The following GCN1 variants were observed in gnomAD, a reference collection of about 807,000 sequenced individuals.
GCN1 encodes stalled ribosome sensor GCN1.
In GCN1, 90 loss-of-function variants were observed where a neutral mutation model predicts 288.4. That is an observed-to-expected ratio of 0.31 (90% CI 0.26 to 0.37). The LOEUF is 0.37. GCN1 is among the 10% of genes least tolerant of loss of function. The pLI is 1.00. For synonymous variants in GCN1, 1,386 were observed against 1,420.2 expected (o/e 0.98, Z 0.54); for missense variants, 2,586 against 3,419.9 (o/e 0.76, Z 6.08).
intron 7 of GCN1, 154 bp from the exon 8 acceptor site, chr12:120,177,906 C>A: frequency 1.5e-6 from 1 of 650,598 alleles, no homozygotes; most frequent in African/African-American, 1.8e-5. Context: ...CACGCAACCC[C>A]ACTTAAAACC....
chr12:120,175,073 G>A, intron 12 of GCN1, 89 bp downstream of exon 12: 1 of 1,139,064 alleles, frequency 8.8e-7, no homozygotes, highest in Non-Finnish European at 1.3e-6. Flanking sequence ...GTTGCAGTGA[G>A]CTGAGATGGC....
chr12:120,137,738 A>G lies in GCN1; in HGVS notation c.6470T>C (p.Leu2157Pro). ...TGHRIIIEDL[L>P]EATRSPEVGM... is the part of the protein sequence containing the mutation. ...CACCTCAGGGCTGCGGGTGGCCTCC[A>G]GCAGATCCTCGATGATGATCCGGTG... The change falls in exon 49 of 58, where the codon CTG (leucine) becomes CCG (proline). Residue 2157 changes from leucine (L) to proline (P), a missense_variant. Leu to Pro is a moderately conservative substitution (Grantham distance 98). Coordinates refer to ENST00000300648, the MANE Select transcript of GCN1 (RefSeq NM_006836.2). The surrounding 1 kb of genome is among the most constrained non-coding windows in gnomAD (Gnocchi z 5.2). 2 of 1,614,138 alleles carry G rather than the reference A, an allele frequency of 1.2e-6. No homozygotes were observed. Among genetic ancestry groups the G allele is most frequent in the Non-Finnish European group, 1.7e-6 (2 of 1,179,972 alleles).
At chr12:120,165,251 G>A (rs57780521) in intron 16 of GCN1, among the ~76,000 whole-genome samples, 31,028 of 151,664 alleles carry the variant, frequency 0.2, 3,760 homozygotes, top group East Asian at 0.56. Context: ...TAGCCAGGAT[G>A]GTCTCGATCT....
chr12:120,146,160 G>C (rs1283817110), intron 38 of GCN1, among the ~76,000 whole-genome samples: 1 of 151,308 alleles, frequency 6.6e-6, no homozygotes, highest in Admixed American at 6.6e-5. Context: ...CCAGCTACTC[G>C]GGAGGCTGAG....
chr12:120,150,855 T>C (rs1481392452), intron 34 of GCN1, among the ~76,000 whole-genome samples: 1 of 151,396 alleles, frequency 6.6e-6, no homozygotes, highest in African/African-American at 2.4e-5. Flanking sequence ...GAGAATGGCA[T>C]GAACCCAGGA....
chr12:120,130,456 T>C (rs1353796802), intron 56 of GCN1, among the ~76,000 whole-genome samples, 190 bp downstream of exon 56: 1 of 152,166 alleles, frequency 6.6e-6, no homozygotes, highest in Non-Finnish European at 1.5e-5. Flanking sequence ...AAAGTTAGGC[T>C]TTATTGCAGT....
chr12:120,136,041 A>G (rs1876993059), intron 51 of GCN1, among the ~76,000 whole-genome samples: 1 of 152,050 alleles, frequency 6.6e-6, no homozygotes, highest in African/African-American at 2.4e-5. Context: ...ACAAAACAAA[A>G]AACAAAAAAA....
In GCN1 at chr12:120,158,689, G is replaced by A. The variant is rs1877830782; in HGVS notation, c.2750-74C>T. 1 of 1,271,426 alleles carries A rather than the reference G, an allele frequency of 7.9e-7. No individual in the cohort carries two copies. Among genetic ancestry groups the A allele is most frequent in the Admixed American group, 2.5e-5 (1 of 40,074 alleles). 78.8% of individuals were successfully genotyped at this position (1,271,426 alleles called of 1,614,324 possible). A position where few individuals can be genotyped will look rare whatever the true frequency, so the allele number is the denominator to read the frequency against. Reference sequence around the variant, plus strand: ...GAATCCAGCCCAGGCTAAAACAGGGGACCCAGTGCCTCATCCTTCTGACTT... The same window carrying A: ...GAATCCAGCCCAGGCTAAAACAGGGAACCCAGTGCCTCATCCTTCTGACTT... On this transcript the variant is annotated intron_variant, in intron 24 of 57. Transcript: ENST00000300648. The surrounding 1 kb of genome is among the most constrained non-coding windows in gnomAD (Gnocchi z 4.3).
intron 36 of GCN1, among the ~76,000 whole-genome samples, chr12:120,149,342 C>T (rs1410344720): frequency 1.3e-5 from 2 of 151,864 alleles, no homozygotes; most frequent in African/African-American, 4.8e-5. Flanking sequence ...GGCAACATAG[C>T]GAGACTCCAT....
At chr12:120,183,819 T>C in intron 4 of GCN1, 142 bp from the exon 5 acceptor site, 1 of 626,192 alleles carries the variant, frequency 1.6e-6, no homozygotes, top group South Asian at 1.9e-5. Context: ...CCACAAACCA[T>C]CTGTGGCAAT....
chr12:120,141,937 G>A (rs1877209987), intron 44 of GCN1, among the ~76,000 whole-genome samples: 1 of 152,164 alleles, frequency 6.6e-6, no homozygotes, highest in African/African-American at 2.4e-5. Context: ...TCCTCGACTA[G>A]ACTACCTCTC....
intron 33 of GCN1, among the ~76,000 whole-genome samples, chr12:120,151,799 T>C (rs1387591458): frequency 1.3e-5 from 2 of 152,132 alleles, no homozygotes; most frequent in Non-Finnish European, 2.9e-5. Context: ...ACAGAGAAAT[T>C]GGGCAGGGCC....
Position 120,134,535 on chromosome 12 carries a change from G to A in GCN1, c.7200C>T (p.Val2400=). The part of the protein sequence containing the change: ...NGIRAMEDPG[V]RDTMLQALRF... ...GTGCTCCCTTGCCAGCGCCGTACCT[G>A]ACACCTGGGTCCTCCATGGCGCGGA... The change falls in exon 52 of 58, where the codon GTC becomes GTT. Residue 2400 remains valine, a splice_region_variant and synonymous_variant. Transcript: ENST00000300648. This position sits in a 1 kb window ranked among gnomAD's most constrained non-coding sequence, Gnocchi z 5.0. 1 of 1,612,858 alleles carries A rather than the reference G, an allele frequency of 6.2e-7. No homozygotes were observed. The highest frequency in any genetic ancestry group is 1.1e-5 in the South Asian group (1 of 91,054).
At chr12:120,165,189 G>T (rs1594278260) in intron 16 of GCN1, among the ~76,000 whole-genome samples, 1 of 151,848 alleles carries the variant, frequency 6.6e-6, no homozygotes, top group Admixed American at 6.6e-5. Context: ...TGGGACGACA[G>T]GCACCCGCTA....
chr12:120,192,863 G>A (rs1436387348), intron 1 of GCN1, among the ~76,000 whole-genome samples: 1 of 151,542 alleles, frequency 6.6e-6, no homozygotes, highest in Non-Finnish European at 1.5e-5. Context: ...TACCCAACAT[G>A]GTGAAACCCT....
Position 120,173,788 on chromosome 12 carries a change from C to A in GCN1, c.1231G>T (p.Ala411Ser). 1 of 1,613,908 alleles carries A rather than the reference C, an allele frequency of 6.2e-7. No homozygotes were observed. The highest frequency in any genetic ancestry group is 8.5e-7 in the Non-Finnish European group (1 of 1,179,820). ...ATAGTGAATCGGTTACACCAGAGAG[C>A]CAGGACTGAGACAGCGTGTACCAAG... ...GTLVHAVSVL[A>S]LWCNRFTMEV... The change falls in exon 14 of 58, where the codon GCT becomes TCT. Residue 411 changes from alanine to serine, a missense_variant. Transcript: ENST00000300648.
Position 120,142,558 on chromosome 12 carries a change from G to C in GCN1, c.5778C>G (p.Leu1926=). ...CCAGGAAACCCAGCAGGAGCCCAAAGAGAGTGGGTAGGATCTCACGCAAGG... is the reference window on the plus strand; with the variant it reads ...CCAGGAAACCCAGCAGGAGCCCAAACAGAGTGGGTAGGATCTCACGCAAGG... ...PRTLREILPT[L]FGLLLGFLAS... Residue 1926 remains leucine (L), a synonymous_variant, in exon 44 of 58, where the codon CTC becomes CTG. Coordinates refer to ENST00000300648, the MANE Select transcript of GCN1 (RefSeq NM_006836.2). The surrounding 1 kb of genome is among the most constrained non-coding windows in gnomAD (Gnocchi z 4.9). 2 of 1,614,070 alleles carry C rather than the reference G, an allele frequency of 1.2e-6. No individual in the cohort carries two copies. Among genetic ancestry groups the C allele is most frequent in the Non-Finnish European group, 1.7e-6 (2 of 1,180,030 alleles).
rs773861589 is a variant in GCN1 at position 120,127,919 on chromosome 12, C to T, written c.7946G>A (p.Arg2649Gln). The change falls in exon 58 of 58, where the codon CGA becomes CAA. Residue 2649 changes from arginine to glutamine, a missense_variant. By Grantham distance (43) the Arg-to-Gln change is conservative. Around this residue, in one of 8 missense-constraint regions of GCN1, gnomAD observed 355 missense variants for 431.1 expected, o/e 0.82. Coordinates refer to ENST00000300648, the MANE Select transcript of GCN1 (RefSeq NM_006836.2). Reference sequence around the variant, plus strand: ...GCTGGCCAGCTTCTTCAGGGACCTTCGGTTAACCTCGTTCAGCACCTCCAA... The same window carrying T: ...GCTGGCCAGCTTCTTCAGGGACCTTTGGTTAACCTCGTTCAGCACCTCCAA... The part of the protein sequence containing the change: ...ASLEVLNEVN[R>Q]RSLKKLASQA... 1.5e-5 allele frequency: 24 copies of T among 1,613,958 alleles called. No individual in the cohort carries two copies. The highest frequency in any genetic ancestry group is 5.0e-5 in the Admixed American group (3 of 59,994).
chr12:120,163,379 G>C (rs1243460894), intron 18 of GCN1, 120 bp from the exon 19 acceptor site: 1 of 736,434 alleles, frequency 1.4e-6, no homozygotes, highest in East Asian at 2.7e-5. Flanking sequence ...GTCCTTGCTG[G>C]AGTAGAAATG....
Sources: gnomAD v4.1 joint callset for allele counts (sites outside exome capture counted in the v4.1 genomes callset) on GRCh38, gnomAD v4.1.1 for gene constraint, gnomAD v4.1.1 regional missense constraint, Gnocchi (gnomAD v3.1) non-coding constraint, MANE v1.5 for transcripts, NCBI Gene and HGNC (gene_info 2026-07-23, HGNC 2026-07-21) for gene names.